Variants in OFD1 observed in about 807,000 individuals in gnomAD.
OFD1 encodes the protein OFD1 centriole and centriolar satellite protein.
In OFD1, 12 loss-of-function variants were observed where a neutral mutation model predicts 81.4. The ratio of observed to expected loss-of-function variants is 0.15; its 90% CI spans 0.09 to 0.24. The LOEUF is 0.24. Ranked by LOEUF, OFD1 falls within the 10% of genes least tolerant of loss-of-function variation. The probability of loss-of-function intolerance (pLI) is 1.00; values close to 1 mark genes in which losing one functional copy is unlikely to be tolerated. For missense variants in OFD1, 685 were observed against 733.9 expected, an observed-to-expected ratio of 0.93 and a Z score of 0.77; for synonymous variants, 256 against 263.7, an observed-to-expected ratio of 0.97 and a Z score of 0.28.
intron 2 of OFD1, among the ~76,000 whole-genome samples, chrX:13,735,647 A>G (rs2046833653): frequency 8.9e-6 from 1 of 112,521 alleles, no homozygotes. Flanking sequence ...GGCTTGTTTT[A>G]TAAATATGGC....
chrX:13,731,153 G>T (rs1224505815), upstream of OFD1, among the ~76,000 whole-genome samples: 1 of 112,205 alleles, frequency 8.9e-6, no homozygotes, highest in Non-Finnish European at 1.9e-5. Flanking sequence ...TAACAAATGT[G>T]ATTGCATAAC....
At chrX:13,755,805 C>T (rs11095625) in intron 12 of OFD1, among the ~76,000 whole-genome samples, 1 of 110,378 alleles carries the variant, frequency 9.1e-6, no homozygotes, top group Non-Finnish European at 1.9e-5. Context: ...TAGGTACTTA[C>T]AACATATTTT....
chrX:13,763,457 T>A (rs1227267139), intron 18 of OFD1, among the ~76,000 whole-genome samples: 1 of 112,933 alleles, frequency 8.9e-6, no homozygotes, highest in Non-Finnish European at 1.9e-5. Context: ...CAAATGATGA[T>A]CAGCAAGCCA....
chrX:13,761,113 C>A lies in OFD1; in HGVS notation c.2289C>A (p.Pro763=), dbSNP rs947500861. Residue 763 remains proline, a synonymous_variant, in exon 17 of 23, where the codon CCC becomes CCA. Coordinates refer to ENST00000340096, the MANE Select transcript of OFD1 (RefSeq NM_003611.3). ...EGLGRSHIAS[P]SPCPDRMPLP... ...TGGGCAGATCACACATTGCTTCCCC[C>A]AGTCCTTGTCCTGACAGAATGCCCC... The A allele has an allele frequency of 3.3e-6, 4 of 1,211,223 alleles. No homozygotes were observed. Among genetic ancestry groups the A allele is most frequent in the Admixed American group, 2.2e-5 (1 of 46,022 alleles).
Position 13,755,198 on chromosome X carries a change from AAGG to A in OFD1, c.1182_1184del (p.Glu395del). The A allele has an allele frequency of 4.1e-6, 5 of 1,207,627 alleles. No individual in the cohort carries two copies. The highest frequency in any genetic ancestry group is 4.5e-6 in the Non-Finnish European group (4 of 891,536). ...GGAGCTCATAGCTATTAATTCAAAA[AAGG>A]AGGAACTCAATCAATCTGTAAATCG... On this transcript the variant is annotated inframe_deletion, in exon 12 of 23. Transcript: ENST00000340096.
intron 10 of OFD1, 108 bp from the exon 11 acceptor site, chrX:13,753,259 AT>A (rs781695782): frequency 1.4e-5 from 16 of 1,174,810 alleles, no homozygotes; most frequent in Non-Finnish European, 1.8e-5. Flanking sequence ...ACAAGTTGTC[AT>A]GTTTAGCACC....
chrX:13,765,879 A>G (rs1462531977), intron 19 of OFD1, among the ~76,000 whole-genome samples: 1 of 112,391 alleles, frequency 8.9e-6, no homozygotes, highest in Non-Finnish European at 1.9e-5. Flanking sequence ...GATCAGGTAC[A>G]AGATATCCTG....
chrX:13,738,003 C>G (rs1342851507), intron 3 of OFD1, among the ~76,000 whole-genome samples: 1 of 110,922 alleles, frequency 9.0e-6, no homozygotes, highest in Non-Finnish European at 1.9e-5. Context: ...GTGCCCACCA[C>G]TACACCTGGC....
chrX:13,739,434 A>G (rs184973334), intron 5 of OFD1: 33 of 139,126 alleles, frequency 2.4e-4, no homozygotes, highest in African/African-American at 1.1e-3. Flanking sequence ...GTAATGTGTT[A>G]TATATCTTTT....
downstream of OFD1, chrX:13,769,453 C>G (rs1409985232): frequency 1.1e-5 from 2 of 173,985 alleles, no homozygotes; most frequent in Non-Finnish European, 1.1e-5. Context: ...TCTTTCCTCT[C>G]CAAAGTTGGG....
chrX:13,746,041 A>G (rs1448378496), intron 6 of OFD1, among the ~76,000 whole-genome samples: 1 of 112,369 alleles, frequency 8.9e-6, no homozygotes, highest in Non-Finnish European at 1.9e-5. Flanking sequence ...ACATTTCATG[A>G]TGAACATTTT....
intron 3 of OFD1, among the ~76,000 whole-genome samples, chrX:13,738,515 A>G (rs1457774561): frequency 8.9e-6 from 1 of 112,790 alleles, no homozygotes; most frequent in Non-Finnish European, 1.9e-5. Context: ...TTGTAATTGA[A>G]TGACCCAGGA....
At chrX:13,715,014 T>C in the OFD1 span, among the ~76,000 whole-genome samples, 2 of 112,531 alleles carry the variant, frequency 1.8e-5, no homozygotes, top group South Asian at 3.6e-4. Context: ...GAATCACTAA[T>C]GAGGAAAGGC....
chrX:13,730,178 G>A (rs1283311533), upstream of OFD1, among the ~76,000 whole-genome samples: 1 of 109,653 alleles, frequency 9.1e-6, no homozygotes, highest in Admixed American at 9.7e-5. Flanking sequence ...CCCATCTGAC[G>A]AAGGGCTAAT....
Position 13,738,127 on chromosome X carries a change from G to A in OFD1, c.313-719G>A, listed in dbSNP as rs145291785. 8.5e-3 allele frequency among the ~76,000 whole-genome samples: 955 copies of A among 112,314 alleles called. 8 individuals carry two copies. The highest frequency in any genetic ancestry group is 0.029 in the African/African-American group (905 of 30,933). On this transcript the variant is annotated intron_variant, in intron 3 of 22. Coordinates refer to ENST00000340096, the MANE Select transcript of OFD1 (RefSeq NM_003611.3). ...ATCTCCCAAAGAGCTGGGATAACAA[G>A]CATGAGCCCTCGTGTCTGGCCTGGA...
chrX:13,766,305 G>A (rs911899190), intron 19 of OFD1, among the ~76,000 whole-genome samples: 1 of 111,780 alleles, frequency 8.9e-6, no homozygotes, highest in Admixed American at 9.5e-5. Context: ...GGCTGTTTCA[G>A]TAGTCCAGGG....
chrX:13,740,266 G>A lies in OFD1; in HGVS notation c.412+1234G>A. 5.8e-6 allele frequency: 4 copies of A among 686,436 alleles called. No homozygotes were observed. The South Asian group carries it at 9.0e-5, about 15-fold the overall frequency. 56.6% of individuals were successfully genotyped at this position (686,436 alleles called of 1,213,427 possible). On this transcript the variant is annotated intron_variant, in intron 5 of 22. Coordinates refer to ENST00000340096, the MANE Select transcript of OFD1 (RefSeq NM_003611.3). ...AGTGTCGTCCAGTGTGACTCTCTGTGATTATGGAAATGTCTGTGTCTATGC... is the reference window on the plus strand; with the variant it reads ...AGTGTCGTCCAGTGTGACTCTCTGTAATTATGGAAATGTCTGTGTCTATGC...
the OFD1 span, among the ~76,000 whole-genome samples, chrX:13,724,609 T>C: frequency 9.0e-6 from 1 of 111,508 alleles, no homozygotes; most frequent in Non-Finnish European, 1.9e-5. Flanking sequence ...ATAGGTATAT[T>C]AAGAAAACGT....
intron 17 of OFD1, 109 bp from the exon 18 acceptor site, chrX:13,762,235 A>C: frequency 1.8e-6 from 1 of 544,925 alleles, no homozygotes; most frequent in Non-Finnish European, 3.3e-6. Context: ...AGACAAAGAG[A>C]AAGGGAATTT....
Sources: allele counts gnomAD v4.1 joint callset (sites outside exome capture counted in the v4.1 genomes callset), GRCh38; gene constraint gnomAD v4.1.1; transcripts MANE v1.5; gene names NCBI Gene and HGNC (gene_info 2026-07-23, HGNC 2026-07-21).